STYK1: variants seen among roughly 807,000 people sequenced by gnomAD.
STYK1 encodes STY kinase 1, also known as tyrosine-protein kinase STYK1.
A neutral mutation model predicts 48.1 loss-of-function variants in STYK1; 46 were observed. The ratio of observed to expected loss-of-function variants is 0.96; its 90% CI spans 0.75 to 1.22. The LOEUF is 1.22. STYK1 is among the 50% of genes most tolerant of loss of function. STYK1 has a pLI of 0.00. For missense variants in STYK1, 527 were observed against 521.1 expected (o/e 1.01, Z -0.11); for synonymous variants, 188 against 189.0 (o/e 0.99, Z 0.04).
chr12:10,647,764 G>A (rs1027086881), intron 1 of STYK1, among the ~76,000 whole-genome samples: 1 of 152,142 alleles, frequency 6.6e-6, no homozygotes, highest in African/African-American at 2.4e-5. Context: ...CATGGGGGCA[G>A]GTCTTTCCTG....
intron 1 of STYK1, among the ~76,000 whole-genome samples, chr12:10,638,752 T>C (rs1445954345): frequency 6.6e-6 from 1 of 152,194 alleles, no homozygotes; most frequent in Non-Finnish European, 1.5e-5. Flanking sequence ...GATATAAGAC[T>C]TCTAAAATCA....
At chr12:10,620,405 T>G in intron 10 of STYK1, 57 bp from the exon 11 acceptor site, 1 of 1,528,456 alleles carries the variant, frequency 6.5e-7, no homozygotes, top group Non-Finnish European at 9.0e-7. Context: ...ATGGGGAGCA[T>G]GTCTCCTCTC....
intron 1 of STYK1, among the ~76,000 whole-genome samples, chr12:10,639,541 A>G (rs987252535): frequency 6.6e-6 from 1 of 152,010 alleles, no homozygotes; most frequent in African/African-American, 2.4e-5. Flanking sequence ...CAGCCTCCCA[A>G]ATAGCTGGGA....
At chr12:10,657,575 A>T (rs912481978) in intron 1 of STYK1, among the ~76,000 whole-genome samples, 12 of 152,240 alleles carry the variant, frequency 7.9e-5, no homozygotes, top group African/African-American at 2.9e-4. Context: ...CAGATCAGAT[A>T]ATTAGATTTG....
chr12:10,671,099 C>T (rs1055824644), intron 1 of STYK1, among the ~76,000 whole-genome samples: 1 of 151,062 alleles, frequency 6.6e-6, no homozygotes, highest in Non-Finnish European at 1.5e-5. Context: ...GGATTCACGC[C>T]ATTCTCCTGC....
At chr12:10,649,694 A>C (rs1947638467) in intron 1 of STYK1, among the ~76,000 whole-genome samples, 2 of 152,232 alleles carry the variant, frequency 1.3e-5, no homozygotes, top group African/African-American at 4.8e-5. Context: ...AAGGCAGAAA[A>C]GTTTGATAGC....
chr12:10,623,290 A>G lies in STYK1; in HGVS notation c.927-612T>C, dbSNP rs571425631. ...TTAAGTTTATTACCCCCAGATGTCT[A>G]TTGAAAAGCAGATGTCAGTGAAGCA... On this transcript the variant is annotated intron_variant, in intron 8 of 10. Coordinates refer to ENST00000075503, the MANE Select transcript of STYK1 (RefSeq NM_018423.3). Among the ~76,000 whole-genome samples the G allele has an allele frequency of 3.3e-5, 5 of 152,336 alleles. No homozygotes were observed. The South Asian group carries it at 1.0e-3, about 32-fold the overall frequency.
chr12:10,629,998 A>G (rs1353819553), intron 5 of STYK1, among the ~76,000 whole-genome samples: 3 of 148,378 alleles, frequency 2.0e-5, no homozygotes, highest in Non-Finnish European at 3.0e-5. Context: ...TCCTTGTTCT[A>G]TGTATCCACC....
intron 2 of STYK1, among the ~76,000 whole-genome samples, chr12:10,636,359 C>T (rs555993204): frequency 1.2e-4 from 19 of 152,278 alleles, no homozygotes; most frequent in East Asian, 1.9e-4. Flanking sequence ...AAGTAGCCAG[C>T]GGGCGGAAAA....
At chr12:10,651,709 A>G (rs1035408791) in intron 1 of STYK1, among the ~76,000 whole-genome samples, 1 of 152,210 alleles carries the variant, frequency 6.6e-6, no homozygotes, top group African/African-American at 2.4e-5. Context: ...ATATGATAAC[A>G]TAATACCACT....
In STYK1 at chr12:10,637,214, A is replaced by C; in HGVS notation, c.-194-18T>G. 6.6e-6 allele frequency: 1 copy of C among 152,206 alleles called. No homozygotes were observed. The highest frequency in any genetic ancestry group is 1.9e-4 in the East Asian group (1 of 5,192). 9.4% of individuals were successfully genotyped at this position (152,206 alleles called of 1,614,324 possible). On this transcript the variant is annotated intron_variant, in intron 1 of 10. Transcript: ENST00000075503. The stretch of plus-strand genomic sequence containing the variant: ...ATTGGATGCTAGAGCAAGGAGATAA[A>C]TGTATAGAATGATGAGGTCCACCCA...
chr12:10,671,457 T>TGAG (rs10628359), intron 1 of STYK1, among the ~76,000 whole-genome samples: 68,018 of 151,656 alleles, frequency 0.45, 15,847 homozygotes, highest in African/African-American at 0.59. Flanking sequence ...AGCGTCAGCA[T>TGAG]AAGACATGAG....
Position 10,643,003 on chromosome 12 carries a change from C to T in STYK1, c.-194-5807G>A, listed in dbSNP as rs573461475. On this transcript the variant is annotated intron_variant, in intron 1 of 10. Coordinates refer to ENST00000075503, the MANE Select transcript of STYK1 (RefSeq NM_018423.3). ...CACCCAGATCCTGAACCAATTCTGA[C>T]GGGGGCATTACGGAGATCAGCAGTC... is the stretch of plus-strand genomic sequence containing the variant. 9.1e-4 allele frequency among the ~76,000 whole-genome samples: 139 copies of T among 152,230 alleles called. 1 individual carries two copies. Among genetic ancestry groups the T allele is most frequent in the Admixed American group, 3.9e-3 (60 of 15,300 alleles).
chr12:10,658,935 T>G (rs1002224781), intron 1 of STYK1, among the ~76,000 whole-genome samples: 4 of 152,202 alleles, frequency 2.6e-5, no homozygotes, highest in African/African-American at 9.6e-5. Flanking sequence ...TTTCTGTCAT[T>G]CACAGACAAC....
intron 1 of STYK1, among the ~76,000 whole-genome samples, chr12:10,655,178 A>G (rs771018393): frequency 5.3e-5 from 8 of 152,168 alleles, no homozygotes; most frequent in Non-Finnish European, 8.8e-5. Flanking sequence ...TTATTCTGTC[A>G]TAAAGGGGAG....
At chr12:10,642,146 C>G (rs1273762608) in intron 1 of STYK1, among the ~76,000 whole-genome samples, 1 of 152,194 alleles carries the variant, frequency 6.6e-6, no homozygotes, top group Non-Finnish European at 1.5e-5. Flanking sequence ...CTCTCCTTGT[C>G]CCTGCAAGAG....
At chr12:10,621,812 CGA>C in intron 10 of STYK1, 62 bp downstream of exon 10, 1 of 1,486,488 alleles carries the variant, frequency 6.7e-7, no homozygotes, top group Non-Finnish European at 9.4e-7. Flanking sequence ...GAAAAGGGCA[CGA>C]TTGATAGAGG....
At chr12:10,625,057 G>A (rs560817204) in intron 7 of STYK1, among the ~76,000 whole-genome samples, 198 bp from the exon 8 acceptor site, 2 of 152,256 alleles carry the variant, frequency 1.3e-5, no homozygotes, top group Admixed American at 6.5e-5. Context: ...TTACCAAATT[G>A]AGCAAATAAT....
At chr12:10,623,756 T>C (rs1218899127) in intron 8 of STYK1, among the ~76,000 whole-genome samples, 1 of 152,186 alleles carries the variant, frequency 6.6e-6, no homozygotes, top group East Asian at 1.9e-4. Flanking sequence ...TTCACAATTA[T>C]TTTCAGGTTT....
Sources: gnomAD v4.1 joint callset for allele counts (sites outside exome capture counted in the v4.1 genomes callset) on GRCh38, gnomAD v4.1.1 for gene constraint, MANE v1.5 for transcripts, NCBI Gene and HGNC (gene_info 2026-07-23, HGNC 2026-07-21) for gene names.